PRH1: variants seen among roughly 807,000 people sequenced by gnomAD.
The protein encoded by PRH1 is proline rich protein HaeIII subfamily 1.
A neutral mutation model predicts 7.9 loss-of-function variants in PRH1; 7 were observed. The observed-to-expected ratio is 0.89, with a 90% confidence interval of 0.50 to 1.67. PRH1 has a LOEUF of 1.67. PRH1 is among the 40% of genes most tolerant of loss of function. The pLI, the probability that PRH1 is intolerant of heterozygous loss-of-function variation, is 0.00. For synonymous variants in PRH1, 45 were observed against 80.8 expected (o/e 0.56, Z 2.38); for missense variants, 109 against 223.6 (o/e 0.49, Z 3.27).
chr12:10,897,029 C>T (rs1482036379), intron 2 of PRH1: 3 of 152,118 alleles, frequency 2.0e-5, no homozygotes, highest in African/African-American at 7.2e-5. Context: ...GTCACAATGT[C>T]CAAACCCACA....
At chr12:11,126,667 G>A (rs1946141087) in intron 1 of PRH1, among the ~76,000 whole-genome samples, 1 of 139,302 alleles carries the variant, frequency 7.2e-6, no homozygotes, top group Non-Finnish European at 1.6e-5. Flanking sequence ...CATACTCAAA[G>A]TAATTGCACT....
At chr12:10,932,377 G>A (rs909058679) in intron 2 of PRH1, 8 of 256,534 alleles carry the variant, frequency 3.1e-5, no homozygotes, top group Non-Finnish European at 6.2e-5. Flanking sequence ...TGAGACCCAT[G>A]TTCACATTGT....
intron 2 of PRH1, chr12:10,894,891 GTTC>G (rs1268836391): frequency 2.6e-5 from 4 of 152,084 alleles, no homozygotes; most frequent in South Asian, 4.1e-4. Flanking sequence ...TAGCCCTCCT[GTTC>G]TTCTTCCTTT....
intron 2 of PRH1, chr12:10,929,398 G>A (rs530001275): frequency 6.3e-7 from 1 of 1,599,756 alleles, no homozygotes; most frequent in East Asian, 2.2e-5. Flanking sequence ...GAATGCTATA[G>A]AGGGGGAAAG....
intron 2 of PRH1, among the ~76,000 whole-genome samples, chr12:10,957,974 T>C (rs942066762): frequency 1.3e-5 from 2 of 152,114 alleles, no homozygotes; most frequent in Admixed American, 6.6e-5. Flanking sequence ...GGAGGTAAAT[T>C]AGTCCAGCCA....
intron 2 of PRH1, among the ~76,000 whole-genome samples, chr12:10,926,449 G>T (rs916192015): frequency 2.6e-5 from 4 of 152,180 alleles, no homozygotes; most frequent in African/African-American, 9.7e-5. Flanking sequence ...AGTCATGTGG[G>T]TGTGAAAGAG....
At chr12:10,883,202 C>A in intron 1 of PRH1, 106 bp from the exon 2 acceptor site, 1 of 1,279,936 alleles carries the variant, frequency 7.8e-7, no homozygotes, top group Non-Finnish European at 1.1e-6. Flanking sequence ...TGTGCATCCC[C>A]TTTGTGATCT....
intron 2 of PRH1, among the ~76,000 whole-genome samples, chr12:10,892,603 TA>T (rs1349448050): frequency 6.6e-6 from 1 of 152,100 alleles, no homozygotes; most frequent in East Asian, 1.9e-4. Flanking sequence ...CTAAAATCAT[TA>T]TCAGAATATC....
At chr12:11,025,679 CTGTAGCATCAATG>C (rs1941874851) in intron 1 of PRH1, among the ~76,000 whole-genome samples, 1 of 152,304 alleles carries the variant, frequency 6.6e-6, no homozygotes. Flanking sequence ...GGTGTTCTGT[CTGTAGCATCAATG>C]TGTTACCCTC....
chr12:10,950,530 T>C (rs1003945680), intron 2 of PRH1, among the ~76,000 whole-genome samples: 1 of 151,826 alleles, frequency 6.6e-6, no homozygotes, highest in African/African-American at 2.4e-5. Flanking sequence ...TTCATATACA[T>C]TTCTTAAGAA....
chr12:10,909,473 T>C (rs928225016), intron 2 of PRH1: 24 of 583,548 alleles, frequency 4.1e-5, no homozygotes, highest in Non-Finnish European at 7.1e-5. Flanking sequence ...CTGATCGATC[T>C]TCACATAACT....
upstream of PRH1, among the ~76,000 whole-genome samples, chr12:10,887,766 T>C (rs1949514875): frequency 6.6e-6 from 1 of 152,174 alleles, no homozygotes; most frequent in Admixed American, 6.5e-5. Flanking sequence ...AGGGTCACTG[T>C]AGTAAATGAG....
At chr12:11,151,276 T>TC (rs1456137379) in intron 1 of PRH1, among the ~76,000 whole-genome samples, 1 of 150,776 alleles carries the variant, frequency 6.6e-6, no homozygotes, top group Non-Finnish European at 1.5e-5. Context: ...ATCCTTGCTT[T>TC]TTTTTTTTTT....
chr12:11,007,459 A>G (rs191376413), intron 1 of PRH1, among the ~76,000 whole-genome samples: 1 of 152,252 alleles, frequency 6.6e-6, no homozygotes, highest in Non-Finnish European at 1.5e-5. Context: ...CATATTTCTC[A>G]TGCTTAGGCC....
chr12:11,146,775 A>G (rs918160592), intron 1 of PRH1, among the ~76,000 whole-genome samples: 3 of 152,136 alleles, frequency 2.0e-5, no homozygotes, highest in Non-Finnish European at 4.4e-5. Flanking sequence ...TTTCCTCCTT[A>G]TGAAAAGTCC....
intron 1 of PRH1, among the ~76,000 whole-genome samples, chr12:11,138,909 G>T (rs983302751): frequency 5.3e-4 from 81 of 152,216 alleles, no homozygotes; most frequent in African/African-American, 1.9e-3. Context: ...GCGTGGTGGT[G>T]CACGCCTGTT....
intron 1 of PRH1, among the ~76,000 whole-genome samples, chr12:11,032,336 C>CT (rs1265361581): frequency 6.6e-6 from 1 of 152,152 alleles, no homozygotes; most frequent in Non-Finnish European, 1.5e-5. Context: ...CCAATGCGGA[C>CT]TTTTTTAAAT....
intron 1 of PRH1, among the ~76,000 whole-genome samples, chr12:11,041,374 G>T (rs1416627733): frequency 6.6e-6 from 1 of 150,734 alleles, no homozygotes; most frequent in Non-Finnish European, 1.5e-5. Flanking sequence ...AAACTATGAG[G>T]ACATAAAGAA....
chr12:10,958,417 G>A (rs1263081676), intron 2 of PRH1, among the ~76,000 whole-genome samples: 2 of 152,088 alleles, frequency 1.3e-5, no homozygotes, highest in African/African-American at 2.4e-5. Context: ...CAGAGAGAAG[G>A]AGGAGAGTGA....
Sources: allele counts gnomAD v4.1 joint callset (sites outside exome capture counted in the v4.1 genomes callset), GRCh38; gene constraint gnomAD v4.1.1; transcripts MANE v1.5; gene names NCBI Gene and HGNC (gene_info 2026-07-23, HGNC 2026-07-21).